The following TRPA1 variants were observed in gnomAD, a reference collection of about 807,000 sequenced individuals.
The protein encoded by TRPA1 is transient receptor potential cation channel subfamily A member 1, also known as ankyrin-like with transmembrane domains 1.
In TRPA1, 129 loss-of-function variants were observed where a neutral mutation model predicts 131.3. That is an observed-to-expected ratio of 0.98 (90% CI 0.85 to 1.14). TRPA1 has a LOEUF of 1.14. Ranked by LOEUF, TRPA1 falls within the 50% of genes most tolerant of loss-of-function variation. The pLI, the probability that TRPA1 is intolerant of heterozygous loss-of-function variation, is 0.00. For missense variants in TRPA1, 1,304 were observed against 1,354.2 expected (o/e 0.96, Z 0.58); for synonymous variants, 441 against 451.7 (o/e 0.98, Z 0.30).
chr8:72,059,433 G>C lies in TRPA1; in HGVS notation c.950C>G (p.Ser317Ter). 6.3e-7 allele frequency: 1 copy of C among 1,579,464 alleles called. No homozygotes were observed. The highest frequency in any genetic ancestry group is 1.2e-5 in the South Asian group (1 of 86,018). Reference protein sequence around the residue: ...GCHETMLHRASLFDHHELADY... With the variant: ...GCHETMLHRA ...TGCTAGCTCATGGTGATCAAACAAT[G>C]AAGCTCTGAAAAAACAGAATTATAA... Residue 317 changes from serine (S) to a stop codon, truncating the protein, a stop_gained, in exon 8 of 27, where the codon TCA (serine) becomes TGA (stop). Transcript: ENST00000262209. LOFTEE classifies it high-confidence loss of function.
At chr8:72,053,003 G>GAGAA (rs1348750282) in intron 13 of TRPA1, 1 of 312,716 alleles carries the variant, frequency 3.2e-6, no homozygotes, top group Non-Finnish European at 5.8e-6. Flanking sequence ...GTGAGAGATA[G>GAGAA]AGAAAGAGAG....
intron 4 of TRPA1, among the ~76,000 whole-genome samples, chr8:72,064,276 T>C (rs1414796923): frequency 6.7e-6 from 1 of 150,158 alleles, no homozygotes; most frequent in Non-Finnish European, 1.5e-5. Context: ...TATATATATA[T>C]ATGTAGAGAG....
Position 72,037,971 on chromosome 8 carries a change from T to A in TRPA1, c.2385+12A>T. The A allele has an allele frequency of 6.6e-7, 1 of 1,505,344 alleles. No individual in the cohort carries two copies. The highest frequency in any genetic ancestry group is 9.2e-7 in the Non-Finnish European group (1 of 1,082,852). The allele number at this position is 1,505,344 out of a possible 1,614,324, so 93.2% of individuals were successfully genotyped here. Reference sequence around the variant, plus strand: ...TATGTGCAACTTTAGAGATACAAAATGTATTACATACCTGTTGGAAAATTT... The same window carrying A: ...TATGTGCAACTTTAGAGATACAAAAAGTATTACATACCTGTTGGAAAATTT... On this transcript the variant is annotated intron_variant, in intron 20 of 26. Transcript: ENST00000262209.
intron 25 of TRPA1, 44 bp from the exon 26 acceptor site, chr8:72,023,955 A>G (rs767451924): frequency 7.4e-7 from 1 of 1,348,190 alleles, no homozygotes; most frequent in East Asian, 2.3e-5. Flanking sequence ...AATTCAATTC[A>G]GGAACTTTTT....
chr8:72,065,951 T>C (rs1274597132), intron 3 of TRPA1, among the ~76,000 whole-genome samples: 1 of 151,488 alleles, frequency 6.6e-6, no homozygotes, highest in Non-Finnish European at 1.5e-5. Context: ...GGAAGAGAGG[T>C]AGGGAAGAAG....
chr8:72,050,226 G>A (rs1298164655), intron 15 of TRPA1, among the ~76,000 whole-genome samples: 1 of 152,114 alleles, frequency 6.6e-6, no homozygotes, highest in Non-Finnish European at 1.5e-5. Context: ...AGTTTGCTCA[G>A]AATGATGGTT....
intron 12 of TRPA1, chr8:72,054,092 G>A (rs1426298298): frequency 3.6e-6 from 2 of 548,960 alleles, no homozygotes; most frequent in Middle Eastern, 5.0e-4. Flanking sequence ...TTACTTAGTG[G>A]TTTAAAATAT....
chr8:72,071,645 C>T, intron 2 of TRPA1, 66 bp downstream of exon 2: 1 of 1,564,610 alleles, frequency 6.4e-7, no homozygotes, highest in South Asian at 1.1e-5. Context: ...TCACTTCCTT[C>T]CATTCTTTCT....
chr8:72,075,227 C>T, intron 1 of TRPA1, 72 bp downstream of exon 1: 1 of 1,192,286 alleles, frequency 8.4e-7, no homozygotes. Flanking sequence ...CAAGGGCTGC[C>T]CCCAAGGAAA....
intron 13 of TRPA1, 121 bp from the exon 14 acceptor site, chr8:72,052,886 A>G: frequency 8.6e-7 from 1 of 1,158,934 alleles, no homozygotes; most frequent in Non-Finnish European, 1.3e-6. Context: ...TAGCACTTAA[A>G]ACTGGTGTTC....
chr8:72,026,116 A>G (rs1030551527), intron 24 of TRPA1, 43 bp from the exon 25 acceptor site: 14 of 1,495,920 alleles, frequency 9.4e-6, no homozygotes, highest in African/African-American at 8.3e-5. Context: ...ATTAGTTAGT[A>G]TATGGAATTT....
chr8:72,083,842 C>A, the TRPA1 span, among the ~76,000 whole-genome samples: 1 of 152,178 alleles, frequency 6.6e-6, no homozygotes, highest in Non-Finnish European at 1.5e-5. Context: ...GTAGCTACTC[C>A]TGTTTCTGTT....
At chr8:72,026,493 C>T (rs1394510687) in intron 24 of TRPA1, among the ~76,000 whole-genome samples, 1 of 152,102 alleles carries the variant, frequency 6.6e-6, no homozygotes, top group Non-Finnish European at 1.5e-5. Context: ...CGTGTGTGCA[C>T]GTGCACACAT....
intron 2 of TRPA1, among the ~76,000 whole-genome samples, chr8:72,069,734 T>C (rs1806014422): frequency 6.7e-6 from 1 of 148,630 alleles, no homozygotes; most frequent in Non-Finnish European, 1.5e-5. Flanking sequence ...TATTCAAACT[T>C]GGTAAAAAAA....
In TRPA1 at chr8:72,055,438, G is replaced by T. The variant is rs1396200508; in HGVS notation, c.1527C>A (p.Leu509=). 1 of 1,611,906 alleles carries T rather than the reference G, an allele frequency of 6.2e-7. No individual in the cohort carries two copies. Among genetic ancestry groups the T allele is most frequent in the Admixed American group, 1.7e-5 (1 of 59,926 alleles). ...ACACTCCAATCATATATCCTCACCTGAGAAACAATGCACCTTTTTTCAGAA... is the reference window on the plus strand; with the variant it reads ...ACACTCCAATCATATATCCTCACCTTAGAAACAATGCACCTTTTTTCAGAA... The part of the protein sequence containing the change: ...QLLLKKGALF[L]SDHNGWTALH... Residue 509 remains leucine, a splice_region_variant and synonymous_variant, in exon 12 of 27, where the codon CTC becomes CTA. Transcript: ENST00000262209.
At chr8:72,055,233 CA>C (rs1399027846) in intron 12 of TRPA1, 1 of 574,338 alleles carries the variant, frequency 1.7e-6, no homozygotes, top group African/African-American at 1.9e-5. Flanking sequence ...CTATAAACTT[CA>C]AAGTCTTTGT....
intron 3 of TRPA1, among the ~76,000 whole-genome samples, chr8:72,066,832 G>C (rs1446646471): frequency 6.6e-6 from 1 of 152,202 alleles, no homozygotes; most frequent in Non-Finnish European, 1.5e-5. Flanking sequence ...ATCCCAGAGA[G>C]AGCAACTAAA....
At chr8:72,045,857 C>G (rs1035939691) in intron 17 of TRPA1, among the ~76,000 whole-genome samples, 1 of 151,880 alleles carries the variant, frequency 6.6e-6, no homozygotes, top group African/African-American at 2.4e-5. Context: ...ATAAAAGCAT[C>G]TTTTTAAATA....
At position 72,057,874 on chromosome 8, in the gene TRPA1, T is replaced by C. The variant is rs1021409614; in HGVS notation, c.994-58A>G. The C allele has an allele frequency of 5.5e-6, 7 of 1,267,978 alleles. No individual in the cohort carries two copies. The South Asian group carries it at 6.1e-5, about 11-fold the overall frequency. 78.5% of individuals were successfully genotyped at this position (1,267,978 alleles called of 1,614,324 possible). ...TTAGAAACAGATAAATCATAATATA[T>C]TGTAATCTCTAACTAATGGTAATTC... On this transcript the variant is annotated intron_variant, in intron 8 of 26. Coordinates refer to ENST00000262209, the MANE Select transcript of TRPA1 (RefSeq NM_007332.3).
Sources: gnomAD v4.1 joint callset for allele counts (sites outside exome capture counted in the v4.1 genomes callset) on GRCh38, gnomAD v4.1.1 for gene constraint, MANE v1.5 for transcripts, NCBI Gene and HGNC (gene_info 2026-07-23, HGNC 2026-07-21) for gene names.